The following ZNF385D variants were observed in gnomAD, a reference collection of about 807,000 sequenced individuals.
The protein encoded by ZNF385D is zinc finger protein 385D.
Under a neutral mutation model 35.8 loss-of-function variants are expected in ZNF385D, and 15 were observed. That is an observed-to-expected ratio of 0.42 (90% CI 0.28 to 0.64). ZNF385D has a LOEUF of 0.64. ZNF385D is among the 30% of genes least tolerant of loss of function. ZNF385D has a pLI of 0.23. For synonymous variants in ZNF385D, 212 were observed against 186.8 expected (o/e 1.13, Z -1.10); for missense variants, 474 against 494.6 (o/e 0.96, Z 0.39).
At chr3:21,996,426 C>T (rs1407528793) in intron 3 of ZNF385D, among the ~76,000 whole-genome samples, 1 of 152,180 alleles carries the variant, frequency 6.6e-6, no homozygotes, top group Non-Finnish European at 1.5e-5. Context: ...GGCTAAATTT[C>T]AGTGTTCTCT....
At chr3:21,542,345 C>CTT (rs34925669) in intron 3 of ZNF385D, among the ~76,000 whole-genome samples, 5,803 of 142,914 alleles carry the variant, frequency 0.041, 166 homozygotes, top group South Asian at 0.096. Flanking sequence ...TCTTCTCTTT[C>CTT]TTTTTTTTTT....
intron 2 of ZNF385D, among the ~76,000 whole-genome samples, chr3:22,207,355 T>A (rs987861304): frequency 6.6e-6 from 1 of 151,868 alleles, no homozygotes; most frequent in African/African-American, 2.4e-5. Flanking sequence ...CACAATATCA[T>A]CAGTAAATGG....
chr3:22,117,586 C>CA (rs897091282), intron 3 of ZNF385D, among the ~76,000 whole-genome samples: 29 of 149,476 alleles, frequency 1.9e-4, no homozygotes, highest in Middle Eastern at 3.4e-3. Flanking sequence ...TTTTTTTTTA[C>CA]AAAAAAAATG....
intron 3 of ZNF385D, among the ~76,000 whole-genome samples, chr3:22,139,604 G>A (rs1407980977): frequency 1.3e-5 from 2 of 151,668 alleles, no homozygotes; most frequent in East Asian, 2.0e-4. Context: ...ATCACACACT[G>A]GGGCCTGTTG....
chr3:21,734,767 C>A (rs2069169363), intron 1 of ZNF385D, among the ~76,000 whole-genome samples: 1 of 152,130 alleles, frequency 6.6e-6, no homozygotes. Flanking sequence ...GAGGCATTTT[C>A]ATATGTGTCT....
intron 3 of ZNF385D, among the ~76,000 whole-genome samples, chr3:22,046,201 C>T (rs13071653): frequency 0.2 from 30,386 of 151,950 alleles, 3,229 homozygotes; most frequent in South Asian, 0.35. Context: ...AATATTCATA[C>T]GGGGTTTCAA....
intron 1 of ZNF385D, among the ~76,000 whole-genome samples, chr3:21,720,260 T>C (rs937878130): frequency 6.6e-6 from 1 of 152,140 alleles, no homozygotes; most frequent in Non-Finnish European, 1.5e-5. Flanking sequence ...TCGGGAAACT[T>C]GTTAGAAATA....
intron 3 of ZNF385D, among the ~76,000 whole-genome samples, chr3:21,929,731 G>A (rs1366471045): frequency 6.6e-6 from 1 of 151,792 alleles, no homozygotes; most frequent in East Asian, 1.9e-4. Flanking sequence ...AGAACACTGA[G>A]GAATAACTTT....
intron 2 of ZNF385D, among the ~76,000 whole-genome samples, chr3:22,298,832 T>G (rs1438286041): frequency 3.3e-5 from 5 of 152,028 alleles, no homozygotes; most frequent in Non-Finnish European, 7.4e-5. Context: ...ATGCAAAGTT[T>G]CTTGAATATA....
intron 2 of ZNF385D, among the ~76,000 whole-genome samples, chr3:22,364,029 C>A (rs932607174): frequency 5.9e-5 from 9 of 152,042 alleles, no homozygotes; most frequent in African/African-American, 2.2e-4. Flanking sequence ...GGGTTTCTAC[C>A]TCTTGATGCT....
intron 1 of ZNF385D, among the ~76,000 whole-genome samples, chr3:21,741,330 A>G (rs1196956652): frequency 1.3e-5 from 2 of 152,222 alleles, no homozygotes; most frequent in African/African-American, 2.4e-5. Context: ...AAGGAAAAAA[A>G]TTAATCAATC....
chr3:21,765,282 A>G (rs1312248281), intron 3 of ZNF385D, among the ~76,000 whole-genome samples: 2 of 152,004 alleles, frequency 1.3e-5, no homozygotes, highest in African/African-American at 4.8e-5. Context: ...TTATTTTGCT[A>G]GAAATAAAAG....
At chr3:21,949,363 C>A (rs1701943839) in intron 3 of ZNF385D, among the ~76,000 whole-genome samples, 1 of 152,062 alleles carries the variant, frequency 6.6e-6, no homozygotes, top group African/African-American at 2.4e-5. Context: ...ATCCTCCATC[C>A]TGATGTGCTG....
At chr3:22,239,118 A>C (rs1699349039) in intron 2 of ZNF385D, among the ~76,000 whole-genome samples, 1 of 151,160 alleles carries the variant, frequency 6.6e-6, no homozygotes, top group South Asian at 2.2e-4. Flanking sequence ...AAAACCTAAG[A>C]CAAAAATATA....
intron 4 of ZNF385D, among the ~76,000 whole-genome samples, chr3:21,493,361 A>C (rs1379599640): frequency 1.3e-5 from 2 of 152,138 alleles, no homozygotes; most frequent in Non-Finnish European, 2.9e-5. Flanking sequence ...CTTAGAAATA[A>C]CTTTTAAGCT....
At chr3:22,295,152 A>G (rs945374261) in intron 2 of ZNF385D, among the ~76,000 whole-genome samples, 1 of 152,180 alleles carries the variant, frequency 6.6e-6, no homozygotes, top group African/African-American at 2.4e-5. Context: ...TACCATAGAT[A>G]ACAATAAATT....
chr3:22,064,724 G>A (rs943206824), intron 3 of ZNF385D, among the ~76,000 whole-genome samples: 1 of 152,108 alleles, frequency 6.6e-6, no homozygotes, highest in Non-Finnish European at 1.5e-5. Flanking sequence ...CGTATACATG[G>A]AACCTGAAAA....
chr3:22,032,481 C>G (rs1055299688), intron 3 of ZNF385D, among the ~76,000 whole-genome samples: 1 of 152,166 alleles, frequency 6.6e-6, no homozygotes. Context: ...CTAATCACCA[C>G]CCACCAGGTT....
At chr3:21,976,008 C>A (rs1003955808) in intron 3 of ZNF385D, among the ~76,000 whole-genome samples, 32 of 151,962 alleles carry the variant, frequency 2.1e-4, no homozygotes, top group Non-Finnish European at 3.5e-4. Context: ...TACTTCAGAG[C>A]CTTCAAAGAA....
Sources: allele counts gnomAD v4.1 joint callset (sites outside exome capture counted in the v4.1 genomes callset), GRCh38; gene constraint gnomAD v4.1.1; transcripts MANE v1.5; gene names NCBI Gene and HGNC (gene_info 2026-07-23, HGNC 2026-07-21).